The following PKP4 variants were observed in gnomAD, a reference collection of about 807,000 sequenced individuals.
PKP4 encodes plakophilin 4.
A neutral mutation model predicts 145.1 loss-of-function variants in PKP4; 90 were observed. That is an observed-to-expected ratio of 0.62 (90% confidence interval 0.52 to 0.74). The LOEUF is 0.74. Among genes scored for constraint, PKP4 ranks in the 30% least tolerant of loss-of-function variants. The pLI, the probability that PKP4 is intolerant of heterozygous loss-of-function variation, is 0.00. For synonymous variants in PKP4, 563 were observed against 577.2 expected, an observed-to-expected ratio of 0.98 and a Z score of 0.35; for missense variants, 1,340 against 1,482.7, an observed-to-expected ratio of 0.90 and a Z score of 1.58.
At chr2:158,559,376 C>A (rs2046341583) in intron 2 of PKP4, among the ~76,000 whole-genome samples, 2 of 151,922 alleles carry the variant, frequency 1.3e-5, no homozygotes, top group African/African-American at 2.4e-5. Context: ...GTCTTCTAAC[C>A]CTGTTAACAC....
chr2:158,577,287 G>T lies in PKP4; in HGVS notation c.149G>T (p.Arg50Leu), dbSNP rs745660623. Residue 50 changes from arginine to leucine, a missense_variant, in exon 3 of 22, where the codon CGA becomes CTA. Physicochemically the swap from Arg to Leu is moderately radical, Grantham distance 102. Transcript: ENST00000389759. ...SVKEQELQFQ[R>L]LTRELEVERQ... is the part of the protein sequence containing the mutation. ...GAATCACAGGAGCTTCAGTTTCAGC[G>T]ACTCACCCGAGAACTGGAAGTGGAA... The T allele has an allele frequency of 2.5e-6, 4 of 1,612,470 alleles. No individual in the cohort carries two copies. In the South Asian group the frequency reaches 4.4e-5, roughly 18 times the overall value.
intron 4 of PKP4, among the ~76,000 whole-genome samples, chr2:158,609,602 C>A (rs1198862428): frequency 6.6e-6 from 1 of 152,150 alleles, no homozygotes; most frequent in East Asian, 1.9e-4. Flanking sequence ...GTTAGAGATG[C>A]AATGGTTTGA....
At chr2:158,504,216 G>A (rs768108988) in intron 1 of PKP4, among the ~76,000 whole-genome samples, 4 of 152,154 alleles carry the variant, frequency 2.6e-5, no homozygotes, top group Non-Finnish European at 5.9e-5. Context: ...CATGAAGGGA[G>A]CATTCCAATG....
chr2:158,564,868 G>A (rs1300203952), intron 2 of PKP4, among the ~76,000 whole-genome samples: 2 of 152,160 alleles, frequency 1.3e-5, no homozygotes, highest in Non-Finnish European at 2.9e-5. Context: ...AAGTTCCCAT[G>A]TATACTTGCA....
At chr2:158,638,695 G>A (rs1422995982) in intron 9 of PKP4, among the ~76,000 whole-genome samples, 2 of 152,192 alleles carry the variant, frequency 1.3e-5, no homozygotes, top group Non-Finnish European at 2.9e-5. Flanking sequence ...GAAACTGTTA[G>A]ACTCTTCTGG....
At chr2:158,596,475 A>G (rs2049752715) in intron 3 of PKP4, among the ~76,000 whole-genome samples, 1 of 152,204 alleles carries the variant, frequency 6.6e-6, no homozygotes, top group Non-Finnish European at 1.5e-5. Flanking sequence ...AAAATTTTTC[A>G]TAGTAAAGAT....
At chr2:158,544,582 G>A (rs1199316246) in intron 2 of PKP4, among the ~76,000 whole-genome samples, 1 of 152,054 alleles carries the variant, frequency 6.6e-6, no homozygotes. Context: ...ATGATATGTA[G>A]GCTGCACAAA....
At chr2:158,508,129 G>A (rs1000717683) in intron 1 of PKP4, among the ~76,000 whole-genome samples, 2 of 151,930 alleles carry the variant, frequency 1.3e-5, no homozygotes, top group Non-Finnish European at 2.9e-5. Context: ...GGCCAAGATG[G>A]GCGGATCACC....
rs142012054 is a variant in PKP4 at position 158,552,503 on chromosome 2, A to G, written c.132+19187A>G. On this transcript the variant is annotated intron_variant, in intron 2 of 21. Transcript: ENST00000389759. ...GTCTGGAATAATTTTTAGCCCCATG[A>G]TAGGGAAAGCCTAGATTGCTTTAAA... Among the ~76,000 whole-genome samples, 1,411 of 152,326 alleles carry G rather than the reference A, an allele frequency of 9.3e-3. 11 individuals are homozygous for G. Among genetic ancestry groups the G allele is most frequent in the South Asian group, 0.016 (79 of 4,824 alleles).
intron 2 of PKP4, among the ~76,000 whole-genome samples, chr2:158,547,879 G>A (rs777411391): frequency 2.0e-5 from 3 of 152,216 alleles, no homozygotes; most frequent in Non-Finnish European, 4.4e-5. Context: ...CCACACATTA[G>A]GCTGAGCGTC....
At chr2:158,610,313 C>T (rs902390867) in intron 4 of PKP4, among the ~76,000 whole-genome samples, 1 of 151,990 alleles carries the variant, frequency 6.6e-6, no homozygotes, top group African/African-American at 2.4e-5. Flanking sequence ...CTTCACATCT[C>T]GAAATATACA....
chr2:158,497,274 T>C (rs778548122), intron 1 of PKP4, among the ~76,000 whole-genome samples: 1 of 152,166 alleles, frequency 6.6e-6, no homozygotes, highest in African/African-American at 2.4e-5. Context: ...TAGAGTGATA[T>C]TCTAACAATA....
chr2:158,495,885 G>A (rs986846711), intron 1 of PKP4, among the ~76,000 whole-genome samples: 8 of 148,606 alleles, frequency 5.4e-5, no homozygotes, highest in South Asian at 2.1e-4. Context: ...AAATAAGAGG[G>A]GTATATATGT....
At chr2:158,508,197 A>C (rs546072588) in intron 1 of PKP4, among the ~76,000 whole-genome samples, 1 of 151,046 alleles carries the variant, frequency 6.6e-6, no homozygotes, top group African/African-American at 2.4e-5. Context: ...TCTCTATTAA[A>C]AAAAAAAAAT....
chr2:158,507,030 G>A (rs909229895), intron 1 of PKP4, among the ~76,000 whole-genome samples: 6 of 152,184 alleles, frequency 3.9e-5, no homozygotes, highest in Admixed American at 1.3e-4. Flanking sequence ...GAGAATAGTC[G>A]TGTGATTCTC....
At chr2:158,678,692 G>A (rs1261559118) in intron 21 of PKP4, 38 bp downstream of exon 21, 2 of 1,280,868 alleles carry the variant, frequency 1.6e-6, no homozygotes, top group Admixed American at 3.4e-5. Context: ...AGGCTGATTA[G>A]CAGTTAACAC....
intron 7 of PKP4, among the ~76,000 whole-genome samples, chr2:158,629,943 A>G (rs914056082): frequency 6.6e-6 from 1 of 152,226 alleles, no homozygotes; most frequent in African/African-American, 2.4e-5. Context: ...CACCTTGGCC[A>G]GGCTTGTCTT....
intron 1 of PKP4, among the ~76,000 whole-genome samples, chr2:158,491,573 G>A (rs1694943315): frequency 6.6e-6 from 1 of 151,698 alleles, no homozygotes; most frequent in Non-Finnish European, 1.5e-5. Context: ...TTGATTTGAG[G>A]GACATCATTA....
chr2:158,607,617 G>A (rs1017643212), intron 4 of PKP4, among the ~76,000 whole-genome samples: 1 of 152,114 alleles, frequency 6.6e-6, no homozygotes, highest in Non-Finnish European at 1.5e-5. Context: ...AAACCAGGAA[G>A]GAGATGCCAC....
Sources: gnomAD v4.1 joint callset for allele counts (sites outside exome capture counted in the v4.1 genomes callset) on GRCh38, gnomAD v4.1.1 for gene constraint, MANE v1.5 for transcripts, NCBI Gene and HGNC (gene_info 2026-07-23, HGNC 2026-07-21) for gene names.